Variants in EPDR1 observed in about 807,000 individuals in gnomAD.
EPDR1 encodes mammalian ependymin-related protein 1.
A neutral mutation model predicts 23.7 loss-of-function variants in EPDR1; 27 were observed. The ratio of observed to expected loss-of-function variants is 1.14; its 90% CI spans 0.84 to 1.57. EPDR1 has a LOEUF of 1.57. Among genes scored for constraint, EPDR1 ranks in the 40% most tolerant of loss-of-function variants. The probability of loss-of-function intolerance (pLI) is 0.00; values close to 1 mark genes in which losing one functional copy is unlikely to be tolerated. For synonymous variants in EPDR1, 137 were observed against 118.2 expected (o/e 1.16, Z -1.03); for missense variants, 349 against 290.4 (o/e 1.20, Z -1.47).
intron 1 of EPDR1, among the ~76,000 whole-genome samples, chr7:37,941,474 C>T (rs1325675090): frequency 6.6e-6 from 1 of 152,214 alleles, no homozygotes; most frequent in Non-Finnish European, 1.5e-5. Flanking sequence ...CCAAAGTATA[C>T]AACCTCACCA....
At chr7:37,930,860 AGTT>A (rs1785922833) in intron 1 of EPDR1, among the ~76,000 whole-genome samples, 1 of 152,240 alleles carries the variant, frequency 6.6e-6, no homozygotes, top group Non-Finnish European at 1.5e-5. Context: ...CAATTTCTGC[AGTT>A]GTTAAAACAC....
intron 1 of EPDR1, among the ~76,000 whole-genome samples, chr7:37,930,116 C>T (rs562360781): frequency 3.0e-4 from 46 of 152,310 alleles, no homozygotes; most frequent in African/African-American, 1.1e-3. Flanking sequence ...ATGACTCCTG[C>T]CCGCTCACAG....
At chr7:37,922,390 G>A (rs1447472971) in intron 1 of EPDR1, among the ~76,000 whole-genome samples, 1 of 152,166 alleles carries the variant, frequency 6.6e-6, no homozygotes, top group Non-Finnish European at 1.5e-5. Flanking sequence ...CAGTCATCAT[G>A]GTGGACTGGG....
At chr7:37,937,453 A>T (rs1786077391) in intron 1 of EPDR1, among the ~76,000 whole-genome samples, 1 of 152,238 alleles carries the variant, frequency 6.6e-6, no homozygotes, top group Admixed American at 6.5e-5. Flanking sequence ...GGGGAAATTT[A>T]TATCAAGTAC....
In EPDR1 at chr7:37,949,342, G is replaced by A. The variant is rs148988187; in HGVS notation, c.478+294G>A. Among the ~76,000 whole-genome samples the A allele has an allele frequency of 6.0e-3, 920 of 152,232 alleles. 13 individuals are homozygous for A. Among genetic ancestry groups the A allele is most frequent in the African/African-American group, 0.021 (886 of 41,522 alleles). On this transcript the variant is annotated intron_variant, in intron 2 of 2. Transcript: ENST00000199448. ...CGTCCCGAGGTCTGTGACATGGAAG[G>A]CATCTGTCTAAGGCACACATTTGAA... is the stretch of plus-strand genomic sequence containing the variant.
At position 37,948,515 on chromosome 7, in the gene EPDR1, T is replaced by A. The variant is rs193269887; in HGVS notation, c.270-325T>A. ...TGCACTGCCATGTCTGGCTAATTTT[T>A]AAAATTTTTTTTCTAGAGACAGGGG... On this transcript the variant is annotated intron_variant, in intron 1 of 2. Transcript: ENST00000199448. Among the ~76,000 whole-genome samples, 496 of 152,092 alleles carry A rather than the reference T, an allele frequency of 3.3e-3. 2 individuals carry two copies. The highest frequency in any genetic ancestry group is 0.024 in the Middle Eastern group (7 of 294).
Position 37,922,812 on chromosome 7 carries a change from A to G in EPDR1, c.269+1604A>G, listed in dbSNP as rs562323198. ...AGTCTGGAGGTGAAGTCACATAAAT[A>G]AAAAAAATTTCCATACAGTGGGATG... On this transcript the variant is annotated intron_variant, in intron 1 of 2. Coordinates refer to ENST00000199448, the MANE Select transcript of EPDR1 (RefSeq NM_017549.5). Among the ~76,000 whole-genome samples the G allele has an allele frequency of 2.0e-5, 3 of 152,230 alleles. No homozygotes were observed. In the East Asian group the frequency reaches 5.8e-4, roughly 29 times the overall value.
At chr7:37,921,421 G>T in intron 1 of EPDR1, 6 of 1,394,062 alleles carry the variant, frequency 4.3e-6, no homozygotes, top group Non-Finnish European at 5.6e-6. Flanking sequence ...GCTGGCGGGG[G>T]ACTCAGTAAC....
intron 1 of EPDR1, among the ~76,000 whole-genome samples, chr7:37,936,838 G>A (rs1786063711): frequency 6.6e-6 from 1 of 152,064 alleles, no homozygotes; most frequent in Non-Finnish European, 1.5e-5. Context: ...ACATCATAAA[G>A]ATATCAGTTC....
intron 1 of EPDR1, among the ~76,000 whole-genome samples, chr7:37,940,841 A>T (rs1392323318): frequency 6.6e-6 from 1 of 152,108 alleles, no homozygotes; most frequent in Non-Finnish European, 1.5e-5. Flanking sequence ...AAAAGCATTC[A>T]AAGCAATGTC....
chr7:37,936,933 T>A (rs1281715456), intron 1 of EPDR1, among the ~76,000 whole-genome samples: 1 of 152,060 alleles, frequency 6.6e-6, no homozygotes. Context: ...ATGGAAAAAT[T>A]AAAAAGCCCA....
chr7:37,949,955 G>A (rs1786362971), intron 2 of EPDR1, among the ~76,000 whole-genome samples: 1 of 152,194 alleles, frequency 6.6e-6, no homozygotes, highest in Admixed American at 6.5e-5. Context: ...AGTTCCAGGA[G>A]CTGGGAGAGG....
At chr7:37,925,270 T>G (rs1321656358) in intron 1 of EPDR1, among the ~76,000 whole-genome samples, 1 of 152,214 alleles carries the variant, frequency 6.6e-6, no homozygotes, top group Non-Finnish European at 1.5e-5. Flanking sequence ...AGGCCACCAG[T>G]AACTATAGGC....
At chr7:37,938,629 T>C (rs528622189) in intron 1 of EPDR1, among the ~76,000 whole-genome samples, 16 of 152,370 alleles carry the variant, frequency 1.1e-4, no homozygotes, top group African/African-American at 3.1e-4. Flanking sequence ...TTGCTTTAAC[T>C]GGACCACTTC....
chr7:37,922,236 A>G (rs1785721901), intron 1 of EPDR1, among the ~76,000 whole-genome samples: 1 of 152,252 alleles, frequency 6.6e-6, no homozygotes, highest in African/African-American at 2.4e-5. Context: ...TTTATAGAAC[A>G]AAACCAAACT....
At position 37,937,815 on chromosome 7, in the gene EPDR1, A is replaced by G. The variant is rs115364461; in HGVS notation, c.270-11025A>G. Among the ~76,000 whole-genome samples, 554 of 151,922 alleles carry G rather than the reference A, an allele frequency of 3.6e-3. 3 individuals carry two copies. Among genetic ancestry groups the G allele is most frequent in the African/African-American group, 0.013 (537 of 41,254 alleles). ...AGGAAAATAGAATTAAAAGATATGAATAAAAAATATAAACATTTCTTGACA... is the reference window on the plus strand; with the variant it reads ...AGGAAAATAGAATTAAAAGATATGAGTAAAAAATATAAACATTTCTTGACA... On this transcript the variant is annotated intron_variant, in intron 1 of 2. Coordinates refer to ENST00000199448, the MANE Select transcript of EPDR1 (RefSeq NM_017549.5).
rs1469059065 is a variant in EPDR1 at position 37,951,458 on chromosome 7, T to G, written c.*1062T>G. 6.6e-6 allele frequency: 1 copy of G among 152,262 alleles called. No individual in the cohort carries two copies. Among genetic ancestry groups the G allele is most frequent in the Non-Finnish European group, 1.5e-5 (1 of 68,048 alleles). 9.4% of individuals were successfully genotyped at this position (152,262 alleles called of 1,614,324 possible). A position where few individuals can be genotyped will look rare whatever the true frequency, so the allele number is the denominator to read the frequency against. ...ATAATTATTAAGCTGTGTGATAATT[T>G]CTGCTTTCAGGACACTCATCCATTA... On this transcript the variant is annotated 3_prime_UTR_variant, in exon 3 of 3. Transcript: ENST00000199448.
intron 1 of EPDR1, among the ~76,000 whole-genome samples, chr7:37,922,457 C>G (rs1313084276): frequency 6.6e-6 from 1 of 152,066 alleles, no homozygotes; most frequent in Non-Finnish European, 1.5e-5. Context: ...TTGAAGGGCA[C>G]AGTAATAATA....
At chr7:37,934,730 G>A (rs186784194) in intron 1 of EPDR1, among the ~76,000 whole-genome samples, 81 of 152,244 alleles carry the variant, frequency 5.3e-4, no homozygotes, top group African/African-American at 1.9e-3. Context: ...GATCACTTGA[G>A]GCCAGGAGTT....
Sources: gnomAD v4.1 joint callset for allele counts (sites outside exome capture counted in the v4.1 genomes callset) on GRCh38, gnomAD v4.1.1 for gene constraint, MANE v1.5 for transcripts, NCBI Gene and HGNC (gene_info 2026-07-23, HGNC 2026-07-21) for gene names.